ARRDC1: variants seen among roughly 807,000 people sequenced by gnomAD.
The protein encoded by ARRDC1 is arrestin domain-containing protein 1.
ARRDC1 carries 37 observed loss-of-function variants against 40.1 expected under a neutral mutation model. The observed-to-expected ratio is 0.92, with a 90% CI of 0.71 to 1.21. The LOEUF is 1.21. Among genes scored for constraint, ARRDC1 ranks in the 50% most tolerant of loss-of-function variants. The pLI is 0.00. For synonymous variants in ARRDC1, 310 were observed against 262.5 expected, an observed-to-expected ratio of 1.18 and a Z score of -1.75; for missense variants, 641 against 581.9, an observed-to-expected ratio of 1.10 and a Z score of -1.04.
chr9:137,615,056 C>G lies in ARRDC1; in HGVS notation c.1238-18C>G. ...GGGACGCCAAGAGCCCCACGCAGAC[C>G]CTGCTTTCTTCCCGCAGAGGCCCCA... On this transcript the variant is annotated intron_variant, in intron 7 of 7. Transcript: ENST00000371421. The G allele has an allele frequency of 6.2e-7, 1 of 1,608,312 alleles. No individual in the cohort carries two copies. Among genetic ancestry groups the G allele is most frequent in the Non-Finnish European group, 8.5e-7 (1 of 1,176,942 alleles).
At position 137,615,114 on chromosome 9, in the gene ARRDC1, A is replaced by AC. The variant is rs1350923304; in HGVS notation, c.1281dup (p.Ser428GlnfsTer5). On this transcript the variant is annotated frameshift_variant, in exon 8 of 8. Transcript: ENST00000371421. LOFTEE classifies it high-confidence loss of function. The stretch of plus-strand genomic sequence containing the variant: ...ATGAGCAGAGCTGCGGCGGCGTGGA[A>AC]CCCAGCCTGACCCCTGAGAGCTGAC... The AC allele has an allele frequency of 1.9e-6, 3 of 1,550,260 alleles. No homozygotes were observed. The highest frequency in any genetic ancestry group is 1.7e-6 in the Non-Finnish European group (2 of 1,145,360).
At position 137,605,735 on chromosome 9, in the gene ARRDC1, C is replaced by T. The variant is rs766409950; in HGVS notation, c.18C>T (p.Leu6=). 11 of 1,386,462 alleles carry T rather than the reference C, an allele frequency of 7.9e-6. No homozygotes were observed. Among genetic ancestry groups the T allele is most frequent in the South Asian group, 3.0e-5 (2 of 66,214 alleles). The allele number at this position is 1,386,462 out of a possible 1,614,324, so 85.9% of individuals were successfully genotyped here. Residue 6 remains leucine (L), a synonymous_variant, in exon 1 of 8, where the codon CTC becomes CTT. Transcript: ENST00000371421. ...GCCGCGGCATGGGGCGAGTGCAGCT[C>T]TTCGAGATCAGCCTGAGCCACGGCC... is the stretch of plus-strand genomic sequence containing the variant. MGRVQ[L]FEISLSHGRV...
At position 137,612,908 on chromosome 9, in the gene ARRDC1, C is replaced by A; in HGVS notation, c.131C>A (p.Thr44Asn). The change falls in exon 2 of 8, where the codon ACC (threonine) becomes AAC (asparagine). Residue 44 changes from threonine to asparagine, a missense_variant. Coordinates refer to ENST00000371421, the MANE Select transcript of ARRDC1 (RefSeq NM_152285.4). ...ATCCCCTTTGCAGCCATCCGGGTGA[C>A]CTGCATAGGTTCCTGCGGGGTCTCC... The part of the protein sequence containing the change: ...APLPFRAIRV[T>N]CIGSCGVSNK... 1 of 1,613,772 alleles carries A rather than the reference C, an allele frequency of 6.2e-7. No homozygotes were observed. Among genetic ancestry groups the A allele is most frequent in the African/African-American group, 1.3e-5 (1 of 75,072 alleles).
chr9:137,614,774 G>A lies in ARRDC1; in HGVS notation c.1011G>A (p.Lys337=). Residue 337 remains lysine, a synonymous_variant, in exon 7 of 8, where the codon AAG becomes AAA. Coordinates refer to ENST00000371421, the MANE Select transcript of ARRDC1 (RefSeq NM_152285.4). ...HFLDPVFLST[K]SHSQRQPLLA... ...TGGACCCCGTCTTCCTCTCCACCAA[G>A]AGCCATTCGCAGCGGCAGCCCCTGC... 6.2e-7 allele frequency: 1 copy of A among 1,611,894 alleles called. No individual in the cohort carries two copies. Among genetic ancestry groups the A allele is most frequent in the Non-Finnish European group, 8.5e-7 (1 of 1,179,104 alleles).
intron 1 of ARRDC1, among the ~76,000 whole-genome samples, chr9:137,610,958 C>G (rs1232214088): frequency 6.6e-6 from 1 of 152,096 alleles, no homozygotes; most frequent in African/African-American, 2.4e-5. Context: ...TGGCCTCCCA[C>G]AGTGCTGGGA....
intron 1 of ARRDC1, among the ~76,000 whole-genome samples, chr9:137,606,612 A>T (rs888411556): frequency 5.9e-5 from 9 of 152,188 alleles, no homozygotes; most frequent in Non-Finnish European, 1.3e-4. Flanking sequence ...GCCTCCTGGG[A>T]CAGGTGATGG....
chr9:137,605,898 G>T, intron 1 of ARRDC1, 63 bp downstream of exon 1: 2 of 1,058,170 alleles, frequency 1.9e-6, no homozygotes, highest in Non-Finnish European at 2.4e-6. Context: ...GCTCCCGGAA[G>T]CGGCTGCCGT....
chr9:137,613,811 C>T, intron 4 of ARRDC1, 42 bp downstream of exon 4: 1 of 1,607,164 alleles, frequency 6.2e-7, no homozygotes, highest in Non-Finnish European at 8.5e-7. Context: ...TCCCCACCCT[C>T]ATGGAGGCTG....
At chr9:137,613,189 T>A in intron 2 of ARRDC1, 183 bp downstream of exon 2, 1 of 742,896 alleles carries the variant, frequency 1.3e-6, no homozygotes, top group South Asian at 1.5e-5. Flanking sequence ...AGGGGCCACC[T>A]CCCCCTTGTG....
intron 1 of ARRDC1, among the ~76,000 whole-genome samples, chr9:137,611,059 CG>C (rs1588986607): frequency 6.6e-6 from 1 of 152,340 alleles, no homozygotes; most frequent in East Asian, 1.9e-4. Context: ...GTTAAAAGCA[CG>C]GCAGCATTTC....
Position 137,605,839 on chromosome 9 carries a change from G to A in ARRDC1, c.118+4G>A, listed in dbSNP as rs1337624163. 4 of 1,247,694 alleles carry A rather than the reference G, an allele frequency of 3.2e-6. No homozygotes were observed. Among genetic ancestry groups the A allele is most frequent in the African/African-American group, 1.6e-5 (1 of 63,754 alleles). The allele number at this position is 1,247,694 out of a possible 1,614,324, so 77.3% of individuals were successfully genotyped here. A position where few individuals can be genotyped will look rare whatever the true frequency, so the allele number is the denominator to read the frequency against. ...GGGGCACCGCTGCCGTTCCGAGGTG[G>A]GCGCGGGTCCTCGGGGAGGGCCTTT... On this transcript the variant is annotated splice_donor_region_variant and intron_variant, in intron 1 of 7. Transcript: ENST00000371421.
intron 1 of ARRDC1, chr9:137,612,377 C>A: frequency 6.1e-6 from 1 of 163,436 alleles, no homozygotes; most frequent in Non-Finnish European, 1.3e-5. Flanking sequence ...GGGCCCCACC[C>A]AACGGTGTGC....
At chr9:137,608,561 T>C (rs1842462002) in intron 1 of ARRDC1, among the ~76,000 whole-genome samples, 1 of 152,342 alleles carries the variant, frequency 6.6e-6, no homozygotes, top group Admixed American at 6.5e-5. Flanking sequence ...CCCCTCACAA[T>C]GGACCCCATG....
At position 137,614,653 on chromosome 9, in the gene ARRDC1, T is replaced by C. The variant is rs760485004; in HGVS notation, c.890T>C (p.Leu297Pro). The change falls in exon 7 of 8, where the codon CTG becomes CCG. Residue 297 changes from leucine (L) to proline (P), a missense_variant. By Grantham distance (98) the Leu-to-Pro change is moderately conservative. Coordinates refer to ENST00000371421, the MANE Select transcript of ARRDC1 (RefSeq NM_152285.4). ...GCCCCAGTGAGCCCCCGGCCAGGCC[T>C]GGGGCTGCCTCCTGGGGCCCCACCC... ...NHAPVSPRPG[L>P]GLPPGAPPLV... The C allele has an allele frequency of 3.1e-6, 5 of 1,612,718 alleles. No homozygotes were observed. The highest frequency in any genetic ancestry group is 1.3e-5 in the African/African-American group (1 of 74,982).
At chr9:137,613,308 C>A (rs1041466084) in intron 2 of ARRDC1, 152 bp from the exon 3 acceptor site, 2 of 899,742 alleles carry the variant, frequency 2.2e-6, no homozygotes, top group Non-Finnish European at 3.5e-6. Flanking sequence ...TTCACCCAAG[C>A]CACAGCCCTG....
In ARRDC1 at chr9:137,614,283, G is replaced by A; in HGVS notation, c.619-16G>A. The A allele has an allele frequency of 6.3e-7, 1 of 1,583,940 alleles. No homozygotes were observed. The highest frequency in any genetic ancestry group is 8.6e-7 in the Non-Finnish European group (1 of 1,163,020). On this transcript the variant is annotated splice_polypyrimidine_tract_variant and intron_variant, in intron 5 of 7. Transcript: ENST00000371421. ...GCTGGCAGCCTGCGCAGGCTCACAG[G>A]CTGGTCCTTCCCCAGAAAGTGTCCT...
chr9:137,614,174 C>A lies in ARRDC1; in HGVS notation c.578C>A (p.Ser193Ter). ...LQLHADVENQSGKDTSPVVAS... is the reference protein window; with the variant it reads ...LQLHADVENQ The stretch of plus-strand genomic sequence containing the variant: ...CTGCATGCCGACGTTGAGAACCAGT[C>A]AGGCAAGGACACCAGCCCTGTGGTG... The change falls in exon 5 of 8, where the codon TCA (serine) becomes TAA (stop). Residue 193 changes from serine to a stop codon, truncating the protein, a stop_gained. Transcript: ENST00000371421. LOFTEE classifies it high-confidence loss of function. 1 of 1,609,736 alleles carries A rather than the reference C, an allele frequency of 6.2e-7. No individual in the cohort carries two copies. Among genetic ancestry groups the A allele is most frequent in the Non-Finnish European group, 8.5e-7 (1 of 1,177,190 alleles).
In ARRDC1 at chr9:137,615,314, G is replaced by A. The variant is rs1842654215; in HGVS notation, c.*176G>A. ...GCTGGGGTGGGGGTGGCAGGGAGCTGGGACCTGGAGAGACAACTCCTGTAA... is the reference window on the plus strand; with the variant it reads ...GCTGGGGTGGGGGTGGCAGGGAGCTAGGACCTGGAGAGACAACTCCTGTAA... On this transcript the variant is annotated 3_prime_UTR_variant, in exon 8 of 8. Coordinates refer to ENST00000371421, the MANE Select transcript of ARRDC1 (RefSeq NM_152285.4). 1.6e-6 allele frequency: 1 copy of A among 622,354 alleles called. No individual in the cohort carries two copies. The highest frequency in any genetic ancestry group is 2.6e-6 in the Non-Finnish European group (1 of 381,872). The allele number at this position is 622,354 out of a possible 1,614,324, so 38.6% of individuals were successfully genotyped here. A position where few individuals can be genotyped will look rare whatever the true frequency, so the allele number is the denominator to read the frequency against.
intron 1 of ARRDC1, among the ~76,000 whole-genome samples, chr9:137,607,183 T>G (rs1435980927): frequency 6.6e-6 from 1 of 152,188 alleles, no homozygotes; most frequent in Non-Finnish European, 1.5e-5. Flanking sequence ...AGAGAGCACA[T>G]GATTCAGGCT....
Sources: allele counts gnomAD v4.1 joint callset (sites outside exome capture counted in the v4.1 genomes callset), GRCh38; gene constraint gnomAD v4.1.1; transcripts MANE v1.5; gene names NCBI Gene and HGNC (gene_info 2026-07-23, HGNC 2026-07-21).